Variants in EIPR1 observed in about 807,000 individuals in gnomAD.
EIPR1 encodes the protein EARP and GARP complex-interacting protein 1.
EIPR1 carries 25 observed loss-of-function variants against 48.1 expected under a neutral mutation model. The ratio of observed to expected loss-of-function variants is 0.52; its 90% CI spans 0.38 to 0.73. The LOEUF is 0.73. Among genes scored for constraint, EIPR1 ranks in the 30% least tolerant of loss-of-function variants. The pLI is 0.00. For synonymous variants in EIPR1, 204 were observed against 201.9 expected (o/e 1.01, Z -0.09); for missense variants, 415 against 506.2 (o/e 0.82, Z 1.73).
intron 3 of EIPR1, among the ~76,000 whole-genome samples, chr2:3,271,131 C>G (rs1370963531): frequency 6.6e-6 from 1 of 152,196 alleles, no homozygotes; most frequent in Non-Finnish European, 1.5e-5. Flanking sequence ...GAGATTGTAG[C>G]AATTCAGTCC....
At chr2:3,200,335 T>C (rs1433163712) in intron 5 of EIPR1, among the ~76,000 whole-genome samples, 1 of 152,210 alleles carries the variant, frequency 6.6e-6, no homozygotes, top group African/African-American at 2.4e-5. Flanking sequence ...CAAGTGACTT[T>C]CAGGAAGTCA....
At chr2:3,207,148 T>TCCACGCGTCCACCCAC (rs947981024) in intron 5 of EIPR1, among the ~76,000 whole-genome samples, 3 of 152,080 alleles carry the variant, frequency 2.0e-5, no homozygotes, top group Non-Finnish European at 2.9e-5. Flanking sequence ...CACACACCCA[T>TCCACGCGTCCACCCAC]CCACGCGTCC....
chr2:3,297,026 A>G (rs1380078493), intron 3 of EIPR1, among the ~76,000 whole-genome samples: 3 of 135,424 alleles, frequency 2.2e-5, no homozygotes, highest in African/African-American at 8.4e-5. Flanking sequence ...TCCGGCAGGC[A>G]GGTGGTGGCA....
chr2:3,216,386 T>G (rs1427008371), intron 4 of EIPR1, among the ~76,000 whole-genome samples: 2 of 152,102 alleles, frequency 1.3e-5, no homozygotes, highest in Non-Finnish European at 2.9e-5. Flanking sequence ...ATGCCAACAA[T>G]GCAGTGACAG....
intron 4 of EIPR1, among the ~76,000 whole-genome samples, chr2:3,255,478 C>G (rs1246504797): frequency 6.6e-6 from 1 of 152,196 alleles, no homozygotes; most frequent in Non-Finnish European, 1.5e-5. Context: ...CCACTGCACC[C>G]CACCTTCAAC....
intron 1 of EIPR1, among the ~76,000 whole-genome samples, chr2:3,368,938 A>T (rs1017729751): frequency 2.6e-5 from 4 of 152,098 alleles, no homozygotes; most frequent in African/African-American, 9.7e-5. Flanking sequence ...TTTATCTTTC[A>T]AGTGTCATTA....
intron 5 of EIPR1, among the ~76,000 whole-genome samples, chr2:3,201,067 T>G (rs1046004895): frequency 6.6e-6 from 1 of 152,158 alleles, no homozygotes; most frequent in Non-Finnish European, 1.5e-5. Context: ...GGAACCACAT[T>G]GGGCTTTGGG....
At chr2:3,285,402 G>A (rs945578088) in intron 3 of EIPR1, among the ~76,000 whole-genome samples, 1 of 148,184 alleles carries the variant, frequency 6.7e-6, no homozygotes, top group African/African-American at 2.5e-5. Flanking sequence ...CAGCTGCAGC[G>A]AGCGAGCACT....
intron 2 of EIPR1, among the ~76,000 whole-genome samples, chr2:3,347,598 C>G (rs1670442546): frequency 6.6e-6 from 1 of 152,162 alleles, no homozygotes; most frequent in Non-Finnish European, 1.5e-5. Context: ...TTATCAGCAG[C>G]ATGAAAACAG....
chr2:3,196,505 G>A (rs1200709959), intron 6 of EIPR1, among the ~76,000 whole-genome samples: 2 of 152,174 alleles, frequency 1.3e-5, no homozygotes, highest in Non-Finnish European at 2.9e-5. Context: ...GACGACCCCA[G>A]GAGAGACTTA....
At chr2:3,358,743 C>T (rs1488150054) in intron 1 of EIPR1, among the ~76,000 whole-genome samples, 4 of 152,218 alleles carry the variant, frequency 2.6e-5, no homozygotes. Context: ...GGAGGGCAAG[C>T]CATTCCTGAA....
chr2:3,189,582 G>GC lies in EIPR1; in HGVS notation c.990-75_990-74insG. 1 of 1,391,422 alleles carries GC rather than the reference G, an allele frequency of 7.2e-7. No individual in the cohort carries two copies. The highest frequency in any genetic ancestry group is 1.6e-5 in the South Asian group (1 of 64,082). The allele number at this position is 1,391,422 out of a possible 1,614,324, so 86.2% of individuals were successfully genotyped here. A position where few individuals can be genotyped will look rare whatever the true frequency, so the allele number is the denominator to read the frequency against. ...GGCAGGAGAGGGGCAGGGAGGACGC[G>GC]AGCGCTGACATCGGGAGACACGGGA... On this transcript the variant is annotated intron_variant, in intron 8 of 8. Coordinates refer to ENST00000382125, the MANE Select transcript of EIPR1 (RefSeq NM_003310.5). This position sits in a 1 kb window ranked among gnomAD's most constrained non-coding sequence, Gnocchi z 4.6.
At chr2:3,354,756 T>C (rs1670680253) in intron 1 of EIPR1, 123 bp from the exon 2 acceptor site, 1 of 1,071,578 alleles carries the variant, frequency 9.3e-7, no homozygotes, top group Non-Finnish European at 1.4e-6. Flanking sequence ...TAGTACAGAG[T>C]GTCTGGAAAG....
intron 3 of EIPR1, chr2:3,320,047 C>T (rs1359132009): frequency 5.4e-6 from 1 of 186,874 alleles, no homozygotes; most frequent in Non-Finnish European, 1.1e-5. Context: ...GCGGGCAACA[C>T]CACCCCTGCA....
In EIPR1 at chr2:3,366,101, A is replaced by G. The variant is rs528113429; in HGVS notation, c.43-11468T>C. Among the ~76,000 whole-genome samples the G allele has an allele frequency of 3.3e-5, 5 of 152,324 alleles. No homozygotes were observed. In the South Asian group the frequency reaches 8.3e-4, roughly 25 times the overall value. ...GGTGGGCGGATCACTTGAGGTCAGGAGTTCGAGACCAGCCTGGCCAACATG... is the reference window on the plus strand; with the variant it reads ...GGTGGGCGGATCACTTGAGGTCAGGGGTTCGAGACCAGCCTGGCCAACATG... On this transcript the variant is annotated intron_variant, in intron 1 of 8. Transcript: ENST00000382125.
At chr2:3,197,913 G>A (rs1480641735) in intron 5 of EIPR1, among the ~76,000 whole-genome samples, 1 of 152,202 alleles carries the variant, frequency 6.6e-6, no homozygotes, top group Non-Finnish European at 1.5e-5. Flanking sequence ...GCCAGGCTGA[G>A]GGCAGGTCCA....
chr2:3,277,220 GCACCTGTCTCCACCCACGCGGCCCCA>G (rs1220648725), intron 3 of EIPR1, among the ~76,000 whole-genome samples: 10 of 128,422 alleles, frequency 7.8e-5, no homozygotes, highest in Non-Finnish European at 1.0e-4. Flanking sequence ...ACACGGCCCC[GCACCTGTCTCCACCCACGCGGCCCCA>G]CACCTGTCTC....
chr2:3,303,812 G>A (rs967467112), intron 3 of EIPR1, among the ~76,000 whole-genome samples: 1 of 152,148 alleles, frequency 6.6e-6, no homozygotes, highest in Non-Finnish European at 1.5e-5. Flanking sequence ...GGGATCCATC[G>A]GGTGCTGGGA....
chr2:3,198,610 G>A (rs182534150), intron 5 of EIPR1, among the ~76,000 whole-genome samples: 1 of 152,298 alleles, frequency 6.6e-6, no homozygotes, highest in Admixed American at 6.5e-5. Context: ...AGAAATAAAG[G>A]GAAAGAGTAC....
Sources: allele counts gnomAD v4.1 joint callset (sites outside exome capture counted in the v4.1 genomes callset), GRCh38; gene constraint gnomAD v4.1.1; non-coding constraint Gnocchi (gnomAD v3.1); transcripts MANE v1.5; gene names NCBI Gene and HGNC (gene_info 2026-07-23, HGNC 2026-07-21).